PIBF1: variants seen among roughly 807,000 people sequenced by gnomAD.
PIBF1 encodes the protein progesterone-induced-blocking factor 1.
In PIBF1, 90 loss-of-function variants were observed where a neutral mutation model predicts 112.5. That is an observed-to-expected ratio of 0.80 (90% CI 0.67 to 0.95). The LOEUF is 0.95. Ranked by LOEUF, PIBF1 falls within the 40% of genes least tolerant of loss-of-function variation. The pLI, the probability that PIBF1 is intolerant of heterozygous loss-of-function variation, is 0.00. For synonymous variants in PIBF1, 301 were observed against 288.6 expected, an observed-to-expected ratio of 1.04 and a Z score of -0.44; for missense variants, 915 against 852.3, an observed-to-expected ratio of 1.07 and a Z score of -0.92.
rs2044167977 is a variant in PIBF1 at position 73,010,637 on chromosome 13, A to G, written c.2224-5232A>G. Among the ~76,000 whole-genome samples, 3 of 151,718 alleles carry G rather than the reference A, an allele frequency of 2.0e-5. No homozygotes were observed. In the South Asian group the frequency reaches 6.2e-4, roughly 31 times the overall value. ...AAATAAATAAAGAACAATGGCATACATGTTCTTCTATGACCAAGAATAGTG... is the reference window on the plus strand; with the variant it reads ...AAATAAATAAAGAACAATGGCATACGTGTTCTTCTATGACCAAGAATAGTG... On this transcript the variant is annotated intron_variant, in intron 17 of 17. Transcript: ENST00000326291.
At chr13:72,996,655 G>GAATGC in intron 16 of PIBF1, among the ~76,000 whole-genome samples, 1 of 152,152 alleles carries the variant, frequency 6.6e-6, no homozygotes, top group Non-Finnish European at 1.5e-5. Context: ...GGGTGTGGGG[G>GAATGC]AATGCCCCTG....
At chr13:72,835,548 T>G (rs1430334292) in intron 9 of PIBF1, among the ~76,000 whole-genome samples, 180 bp downstream of exon 9, 1 of 151,682 alleles carries the variant, frequency 6.6e-6, no homozygotes, top group African/African-American at 2.4e-5. Context: ...AGAACAAGAT[T>G]TACTAGACTT....
chr13:72,870,446 G>A (rs911970618), intron 10 of PIBF1, among the ~76,000 whole-genome samples: 1 of 152,150 alleles, frequency 6.6e-6, no homozygotes, highest in Non-Finnish European at 1.5e-5. Flanking sequence ...ATTTCTCTTT[G>A]TTGGAGTATG....
intron 5 of PIBF1, among the ~76,000 whole-genome samples, chr13:72,800,633 T>G (rs74819980): frequency 0.015 from 2,283 of 152,332 alleles, 64 homozygotes; most frequent in African/African-American, 0.052. Flanking sequence ...ATGTGTATCC[T>G]GCATTTACTA....
intron 10 of PIBF1, among the ~76,000 whole-genome samples, chr13:72,881,952 A>G (rs1375943581): frequency 6.6e-6 from 1 of 152,124 alleles, no homozygotes. Flanking sequence ...TAAAATGTAT[A>G]TGGAACCACA....
chr13:72,917,262 C>G (rs181342530), intron 13 of PIBF1, 96 bp downstream of exon 13: 1 of 581,992 alleles, frequency 1.7e-6, no homozygotes, highest in African/African-American at 2.0e-5. Context: ...TGACAAAGTC[C>G]TTTATTCTTA....
chr13:72,793,252 T>A (rs1359073065), intron 3 of PIBF1, among the ~76,000 whole-genome samples: 2 of 152,240 alleles, frequency 1.3e-5, no homozygotes, highest in Non-Finnish European at 2.9e-5. Context: ...ATGTGAATGT[T>A]TAGTTCTATG....
intron 10 of PIBF1, among the ~76,000 whole-genome samples, chr13:72,865,313 C>T (rs1229332782): frequency 6.6e-6 from 1 of 152,132 alleles, no homozygotes; most frequent in African/African-American, 2.4e-5. Flanking sequence ...CCATTCAGGC[C>T]GTGTTTCTAT....
intron 3 of PIBF1, among the ~76,000 whole-genome samples, chr13:72,794,622 T>G (rs1043352878): frequency 2.0e-5 from 3 of 152,180 alleles, no homozygotes; most frequent in Non-Finnish European, 4.4e-5. Flanking sequence ...TCACAAGATC[T>G]GATGGTTTTA....
intron 9 of PIBF1, among the ~76,000 whole-genome samples, chr13:72,836,642 TA>T (rs1352722018): frequency 3.3e-5 from 5 of 152,206 alleles, no homozygotes; most frequent in African/African-American, 1.2e-4. Context: ...ATTTTTATGC[TA>T]ATGCCTCTGA....
chr13:72,810,600 A>G (rs2035961246), intron 5 of PIBF1, among the ~76,000 whole-genome samples: 1 of 152,100 alleles, frequency 6.6e-6, no homozygotes, highest in African/African-American at 2.4e-5. Context: ...AAGTTTTTAT[A>G]TTTTAGGGAG....
At chr13:72,820,632 T>C (rs1420105435) in intron 5 of PIBF1, among the ~76,000 whole-genome samples, 1 of 152,188 alleles carries the variant, frequency 6.6e-6, no homozygotes, top group African/African-American at 2.4e-5. Flanking sequence ...AAAATCGTCT[T>C]ACTCATCTTT....
chr13:72,859,149 G>A (rs1164666930), intron 10 of PIBF1, among the ~76,000 whole-genome samples: 2 of 152,136 alleles, frequency 1.3e-5, no homozygotes, highest in African/African-American at 4.8e-5. Flanking sequence ...ATTATGCTCA[G>A]TAAGCAGCCA....
intron 10 of PIBF1, among the ~76,000 whole-genome samples, chr13:72,877,528 A>G (rs1406892328): frequency 6.6e-6 from 1 of 152,148 alleles, no homozygotes; most frequent in Admixed American, 6.5e-5. Flanking sequence ...CTGCTTTGGA[A>G]GGTTTAAATT....
chr13:72,936,611 A>G (rs905902160), intron 14 of PIBF1, among the ~76,000 whole-genome samples: 1 of 152,206 alleles, frequency 6.6e-6, no homozygotes, highest in African/African-American at 2.4e-5. Context: ...ACAATCATTT[A>G]TGTGTGAGAC....
intron 16 of PIBF1, among the ~76,000 whole-genome samples, chr13:72,978,868 A>G (rs947967683): frequency 5.9e-5 from 9 of 152,208 alleles, no homozygotes; most frequent in African/African-American, 2.2e-4. Flanking sequence ...ACTTCAAATA[A>G]AACATTCATT....
chr13:72,923,036 C>A (rs946931244), intron 13 of PIBF1, among the ~76,000 whole-genome samples: 2 of 152,122 alleles, frequency 1.3e-5, no homozygotes, highest in Non-Finnish European at 2.9e-5. Context: ...TCTTTGATGC[C>A]ATGCTAGTAG....
chr13:72,876,709 CT>C (rs2039425446), intron 10 of PIBF1, among the ~76,000 whole-genome samples: 1 of 151,954 alleles, frequency 6.6e-6, no homozygotes, highest in African/African-American at 2.4e-5. Context: ...GTGTTTTTAA[CT>C]GGAAATTCCA....
At chr13:72,818,867 C>T (rs764299683) in intron 5 of PIBF1, among the ~76,000 whole-genome samples, 1 of 151,934 alleles carries the variant, frequency 6.6e-6, no homozygotes, top group Non-Finnish European at 1.5e-5. Flanking sequence ...CACAATTGGT[C>T]GTAATTCTAT....
Sources: gnomAD v4.1 joint callset for allele counts (sites outside exome capture counted in the v4.1 genomes callset) on GRCh38, gnomAD v4.1.1 for gene constraint, MANE v1.5 for transcripts, NCBI Gene and HGNC (gene_info 2026-07-23, HGNC 2026-07-21) for gene names.